Variants in FHAD1 observed in about 807,000 individuals in gnomAD.
The protein encoded by FHAD1 is forkhead associated phosphopeptide binding domain 1, also known as forkhead-associated domain-containing protein 1.
Under a neutral mutation model 191.3 loss-of-function variants are expected in FHAD1, and 146 were observed. The observed-to-expected ratio is 0.76, with a 90% CI of 0.67 to 0.88. The LOEUF (loss-of-function observed/expected upper bound fraction) is 0.88, where lower values mean the gene tolerates loss of function less well. Among genes scored for constraint, FHAD1 ranks in the 40% least tolerant of loss-of-function variants. The probability of loss-of-function intolerance (pLI) is 0.00; values close to 1 mark genes in which losing one functional copy is unlikely to be tolerated. For missense variants in FHAD1, 1,635 were observed against 1,785.8 expected (o/e 0.92, Z 1.52); for synonymous variants, 616 against 672.3 (o/e 0.92, Z 1.29).
intron 20 of FHAD1, among the ~76,000 whole-genome samples, chr1:15,354,637 G>T (rs1692097509): frequency 6.6e-6 from 1 of 152,020 alleles, no homozygotes; most frequent in African/African-American, 2.4e-5. Context: ...TTAAAAGTAG[G>T]TAAGTTGGGA....
rs1392000255 is a variant in FHAD1, at chr1:15,329,309, CAG to C, written c.1711-36_1711-35del. On this transcript the variant is annotated intron_variant, in intron 13 of 33. Transcript: ENST00000688493. The surrounding 1 kb of genome is among the most constrained non-coding windows in gnomAD (Gnocchi z 5.0). Reference sequence around the variant, plus strand: ...TCACGTCAGGGGCTATTTCTGGCCACAGGGCCTGGGCTCCTCATGATCTCACC... The same window carrying C: ...TCACGTCAGGGGCTATTTCTGGCCACGGCCTGGGCTCCTCATGATCTCACC... The C allele has an allele frequency of 6.7e-7, 1 of 1,491,264 alleles. No homozygotes were observed. Among genetic ancestry groups the C allele is most frequent in the Non-Finnish European group, 9.0e-7 (1 of 1,107,536 alleles). 92.4% of individuals were successfully genotyped at this position (1,491,264 alleles called of 1,614,324 possible). A position where few individuals can be genotyped will look rare whatever the true frequency, so the allele number is the denominator to read the frequency against.
chr1:15,368,272 C>T (rs1697103315), intron 25 of FHAD1, among the ~76,000 whole-genome samples: 1 of 152,142 alleles, frequency 6.6e-6, no homozygotes, highest in Non-Finnish European at 1.5e-5. Context: ...CCGCGCCCGG[C>T]CCCATTGCCT....
At chr1:15,339,603 C>T in intron 15 of FHAD1, 52 bp downstream of exon 15, 1 of 886,706 alleles carries the variant, frequency 1.1e-6, no homozygotes. Flanking sequence ...CCCTGGTTGG[C>T]ATTTATATAG....
Position 15,391,302 on chromosome 1 carries a change from GTTGTT to G in FHAD1, c.4323+63_4323+67del, listed in dbSNP as rs553161637. ...GCATCCTTTAGAATTCTCTTTTTTT[GTTGTT>G]TTGTTTTGTTTTGTTTTGTTTTGCT... On this transcript the variant is annotated intron_variant, in intron 33 of 33. Coordinates refer to ENST00000688493, the MANE Select transcript of FHAD1 (RefSeq NM_001391957.1). The G allele has an allele frequency of 2.7e-4, 335 of 1,248,736 alleles. 1 individual carries two copies. Among genetic ancestry groups the G allele is most frequent in the East Asian group, 6.8e-4 (12 of 17,682 alleles). 77.4% of individuals were successfully genotyped at this position (1,248,736 alleles called of 1,614,324 possible). A position where few individuals can be genotyped will look rare whatever the true frequency, so the allele number is the denominator to read the frequency against.
upstream of FHAD1, among the ~76,000 whole-genome samples, chr1:15,246,568 C>T (rs899145364): frequency 2.1e-5 from 3 of 146,186 alleles, no homozygotes; most frequent in Admixed American, 2.1e-4. Flanking sequence ...TTCTTAAGGA[C>T]AGTAACTGTT....
intron 33 of FHAD1, among the ~76,000 whole-genome samples, chr1:15,395,776 T>C (rs929320291): frequency 1.3e-5 from 2 of 151,212 alleles, no homozygotes; most frequent in African/African-American, 2.5e-5. Flanking sequence ...TCGTAAACTT[T>C]CTTAAAACAT....
chr1:15,346,426 C>T (rs990998868), intron 18 of FHAD1, among the ~76,000 whole-genome samples: 5 of 152,152 alleles, frequency 3.3e-5, no homozygotes. Flanking sequence ...TGCCAGAGTC[C>T]TCACCACTCC....
At chr1:15,339,398 T>G in intron 14 of FHAD1, 83 bp from the exon 15 acceptor site, 1 of 554,890 alleles carries the variant, frequency 1.8e-6, no homozygotes, top group Admixed American at 3.6e-5. Context: ...TTTGATGGGA[T>G]GGCAACGTTG....
intron 33 of FHAD1, among the ~76,000 whole-genome samples, chr1:15,396,023 A>G (rs1705833178): frequency 6.6e-6 from 1 of 152,172 alleles, no homozygotes; most frequent in African/African-American, 2.4e-5. Flanking sequence ...AAAAATATGT[A>G]AAGGGACCAG....
At chr1:15,344,649 G>A (rs1688140678) in intron 16 of FHAD1, among the ~76,000 whole-genome samples, 1 of 152,214 alleles carries the variant, frequency 6.6e-6, no homozygotes, top group African/African-American at 2.4e-5. Context: ...AATCAAATGG[G>A]TCAGAGTTAG....
Position 15,369,364 on chromosome 1 carries a change from C to A in FHAD1, c.3315-6C>A, listed in dbSNP as rs1697455577. 6.4e-7 allele frequency: 1 copy of A among 1,551,900 alleles called. No individual in the cohort carries two copies. Among genetic ancestry groups the A allele is most frequent in the South Asian group, 1.2e-5 (1 of 84,064 alleles). On this transcript the variant is annotated splice_region_variant and splice_polypyrimidine_tract_variant and intron_variant, in intron 25 of 33. Coordinates refer to ENST00000688493, the MANE Select transcript of FHAD1 (RefSeq NM_001391957.1). The stretch of plus-strand genomic sequence containing the variant: ...CCTCGTGCCATCCTCCTCTTCTCTA[C>A]CCTAGGGCTTCCCAAGAGAAACACA...
chr1:15,365,153 C>T (rs1312581365), intron 23 of FHAD1, among the ~76,000 whole-genome samples: 1 of 152,144 alleles, frequency 6.6e-6, no homozygotes, highest in Admixed American at 6.5e-5. Flanking sequence ...TCTTCCCTGT[C>T]CCCAAAGAAT....
intron 19 of FHAD1, among the ~76,000 whole-genome samples, chr1:15,351,161 A>C (rs1422302387): frequency 6.6e-6 from 1 of 152,178 alleles, no homozygotes. Context: ...CCTGGCCAAC[A>C]TGGTGAAACC....
intron 33 of FHAD1, among the ~76,000 whole-genome samples, chr1:15,396,528 G>C (rs1706033366): frequency 6.6e-6 from 1 of 152,052 alleles, no homozygotes; most frequent in African/African-American, 2.4e-5. Context: ...AACAAAACCA[G>C]CCGGGTGTGG....
intron 2 of FHAD1, among the ~76,000 whole-genome samples, chr1:15,266,830 T>G (rs1653738459): frequency 6.6e-6 from 1 of 152,220 alleles, no homozygotes; most frequent in African/African-American, 2.4e-5. Flanking sequence ...GTAGTTGAAA[T>G]CATACAATAT....
chr1:15,288,074 G>A (rs1267514107), intron 3 of FHAD1, among the ~76,000 whole-genome samples: 2 of 152,136 alleles, frequency 1.3e-5, no homozygotes, highest in African/African-American at 4.8e-5. Flanking sequence ...CAGAGGAGGG[G>A]AAAGAGAGAG....
chr1:15,385,733 C>A (rs111568541), intron 31 of FHAD1, among the ~76,000 whole-genome samples: 17,661 of 151,984 alleles, frequency 0.12, 1,187 homozygotes, highest in Middle Eastern at 0.2. Flanking sequence ...TATGATCGCA[C>A]CACTGCCCTC....
intron 27 of FHAD1, among the ~76,000 whole-genome samples, chr1:15,374,866 T>G (rs1371242916): frequency 6.7e-6 from 1 of 148,466 alleles, no homozygotes; most frequent in Admixed American, 6.7e-5. Context: ...TTTTGTTTGT[T>G]TTTTTTTTTT....
intron 26 of FHAD1, among the ~76,000 whole-genome samples, chr1:15,369,802 G>A (rs192478130): frequency 1.0e-3 from 155 of 152,190 alleles, no homozygotes; most frequent in Middle Eastern, 3.4e-3. Context: ...ACCTGTGTTC[G>A]AATCCCAACT....
Sources: allele counts gnomAD v4.1 joint callset (sites outside exome capture counted in the v4.1 genomes callset), GRCh38; gene constraint gnomAD v4.1.1; non-coding constraint Gnocchi (gnomAD v3.1); transcripts MANE v1.5; gene names NCBI Gene and HGNC (gene_info 2026-07-23, HGNC 2026-07-21).